The following SUGP1 variants were observed in gnomAD, a reference collection of about 807,000 sequenced individuals.
The protein encoded by SUGP1 is SURP and G-patch domain-containing protein 1.
Under a neutral mutation model 76.5 loss-of-function variants are expected in SUGP1, and 34 were observed. That is an observed-to-expected ratio of 0.44 (90% CI 0.34 to 0.59). The LOEUF (loss-of-function observed/expected upper bound fraction) is 0.59. SUGP1 is among the 20% of genes least tolerant of loss of function. The pLI is 0.01. For missense variants in SUGP1, 752 were observed against 851.7 expected, an observed-to-expected ratio of 0.88 and a Z score of 1.46; for synonymous variants, 326 against 326.2, an observed-to-expected ratio of 1.00 and a Z score of 0.01.
intron 1 of SUGP1, among the ~76,000 whole-genome samples, chr19:19,317,387 G>A (rs965169733): frequency 6.6e-6 from 1 of 152,154 alleles, no homozygotes; most frequent in South Asian, 2.1e-4. Flanking sequence ...TACATCCAAG[G>A]AGCAGCAAGT....
At chr19:19,278,860 G>T in intron 10 of SUGP1, 64 bp from the exon 11 acceptor site, 1 of 1,517,370 alleles carries the variant, frequency 6.6e-7, no homozygotes, top group Non-Finnish European at 9.0e-7. Flanking sequence ...AGGCCTGGTG[G>T]CTCCCAGGGC....
chr19:19,279,807 A>G (rs2061083620), intron 9 of SUGP1, among the ~76,000 whole-genome samples: 1 of 152,194 alleles, frequency 6.6e-6, no homozygotes, highest in African/African-American at 2.4e-5. Flanking sequence ...GCTGACCAGG[A>G]TGGTCCTGCA....
chr19:19,308,016 A>C (rs1045680424), intron 3 of SUGP1, among the ~76,000 whole-genome samples: 35 of 151,960 alleles, frequency 2.3e-4, no homozygotes, highest in Non-Finnish European at 4.9e-4. Flanking sequence ...AAAATGTTAC[A>C]TCTATGAATT....
intron 7 of SUGP1, 139 bp downstream of exon 7, chr19:19,302,126 G>A: frequency 1.5e-6 from 2 of 1,351,768 alleles, no homozygotes. Context: ...GCTGGGCTCT[G>A]GGGTCAGAGA....
rs1319756129 is a variant in SUGP1 at position 19,318,115 on chromosome 19, T to TTTCTTTTC, written c.35-1523_35-1522insGAAAAGAA. Among the ~76,000 whole-genome samples, 52 of 135,230 alleles carry TTTCTTTTC rather than the reference T, an allele frequency of 3.8e-4. 2 individuals are homozygous for TTTCTTTTC. In the East Asian group the frequency reaches 5.1e-3, roughly 13 times the overall value. 88.7% of individuals were successfully genotyped at this position (135,230 alleles called of 152,430 possible). ...CGTGAGCCACCGAACCCAGCCTTCTTTTTTTTTTTTTTTTTTTTTGAGATG... is the reference window on the plus strand; with the variant it reads ...CGTGAGCCACCGAACCCAGCCTTCTTTTCTTTTCTTTTTTTTTTTTTTTTTTTGAGATG... On this transcript the variant is annotated intron_variant, in intron 1 of 13. Transcript: ENST00000247001.
chr19:19,299,732 T>C (rs2061256643), intron 7 of SUGP1, among the ~76,000 whole-genome samples: 1 of 151,874 alleles, frequency 6.6e-6, no homozygotes, highest in African/African-American at 2.4e-5. Flanking sequence ...TTCCAGGATG[T>C]ATCTCAGAAA....
At position 19,297,236 on chromosome 19, in the gene SUGP1, G is replaced by A. The variant is rs769511009; in HGVS notation, c.996C>T (p.Pro332=). Residue 332 remains proline, a synonymous_variant, in exon 8 of 14, where the codon CCC becomes CCT. Coordinates refer to ENST00000247001, the MANE Select transcript of SUGP1 (RefSeq NM_172231.4). ...SSTGSFTAPD[P]GLKRKSPPEA... ...CAGGAGGGGACTTGCGCTTCAGGCC[G>A]GGATCAGGTGCTGTGAAGCTGCCTG... 66 of 1,593,642 alleles carry A rather than the reference G, an allele frequency of 4.1e-5. No individual in the cohort carries two copies. The highest frequency in any genetic ancestry group is 2.0e-4 in the South Asian group (18 of 89,548).
intron 8 of SUGP1, among the ~76,000 whole-genome samples, chr19:19,285,509 T>A (rs2061132729): frequency 6.6e-6 from 1 of 151,066 alleles, no homozygotes; most frequent in Non-Finnish European, 1.5e-5. Context: ...CCTATTGGGG[T>A]GGGGGAGCCA....
intron 7 of SUGP1, among the ~76,000 whole-genome samples, chr19:19,298,633 C>A (rs2146610805): frequency 6.6e-6 from 1 of 152,340 alleles, no homozygotes; most frequent in South Asian, 2.1e-4. Flanking sequence ...ACAGCATCTT[C>A]TCTGTAATCC....
intron 3 of SUGP1, among the ~76,000 whole-genome samples, chr19:19,309,312 A>G (rs2061337905): frequency 6.6e-6 from 1 of 152,102 alleles, no homozygotes; most frequent in African/African-American, 2.4e-5. Context: ...TGGCGAAATC[A>G]CAACTCTACA....
intron 1 of SUGP1, among the ~76,000 whole-genome samples, chr19:19,318,075 C>A (rs1418643757): frequency 2.7e-5 from 4 of 145,476 alleles, no homozygotes; most frequent in South Asian, 2.2e-4. Flanking sequence ...CCTCTCAAAG[C>A]GCTGGAATTA....
At chr19:19,318,127 T>G (rs1209607259) in intron 1 of SUGP1, among the ~76,000 whole-genome samples, 4 of 144,956 alleles carry the variant, frequency 2.8e-5, no homozygotes, top group African/African-American at 7.8e-5. Context: ...TTTTTTTTTT[T>G]TTTTTTTGAG....
At chr19:19,294,294 CAGGAGG>C (rs2061207894) in intron 8 of SUGP1, among the ~76,000 whole-genome samples, 2 of 151,928 alleles carry the variant, frequency 1.3e-5, no homozygotes, top group African/African-American at 4.8e-5. Context: ...GAGGCCAAGG[CAGGAGG>C]ATTGCTTGAA....
chr19:19,308,065 G>A (rs12327663), intron 3 of SUGP1, among the ~76,000 whole-genome samples: 5,116 of 152,154 alleles, frequency 0.034, 306 homozygotes, highest in African/African-American at 0.12. Context: ...GTCTTGCTCT[G>A]TCTCCTAGGC....
At chr19:19,299,959 G>A (rs1178802423) in intron 7 of SUGP1, among the ~76,000 whole-genome samples, 3 of 151,948 alleles carry the variant, frequency 2.0e-5, no homozygotes, top group African/African-American at 7.2e-5. Context: ...TGTATTTTTA[G>A]TAGAGACGGG....
chr19:19,282,933 C>T (rs2146594242), intron 8 of SUGP1, among the ~76,000 whole-genome samples: 1 of 152,132 alleles, frequency 6.6e-6, no homozygotes, highest in Non-Finnish European at 1.5e-5. Flanking sequence ...AAAAATTAGC[C>T]AGGCGTGGTG....
rs769468191 is a variant in SUGP1, at chr19:19,320,454, G to T, written c.34+9C>A. 1.1e-5 allele frequency: 17 copies of T among 1,610,258 alleles called. No individual in the cohort carries two copies. The highest frequency in any genetic ancestry group is 1.4e-5 in the Non-Finnish European group (17 of 1,178,630). ...AGGCGGCCGCCTGAGAGGAGGCGGG[G>T]GCTGTTACCTGCAACATCCCGGTTG... On this transcript the variant is annotated intron_variant, in intron 1 of 13. Coordinates refer to ENST00000247001, the MANE Select transcript of SUGP1 (RefSeq NM_172231.4).
Position 19,304,565 on chromosome 19 carries a change from T to C in SUGP1, c.539-718A>G, listed in dbSNP as rs537736917. ...GGGGCCTTTTCAGTGAACAGAGCTA[T>C]AAAGATATATTTTTATATACGGATT... On this transcript the variant is annotated intron_variant, in intron 4 of 13. Transcript: ENST00000247001. Among the ~76,000 whole-genome samples, 168 of 152,168 alleles carry C rather than the reference T, an allele frequency of 1.1e-3. 6 individuals are homozygous for C. Among genetic ancestry groups the C allele is most frequent in the Non-Finnish European group, 7.2e-4 (49 of 68,034 alleles).
chr19:19,299,613 A>T (rs1599860180), intron 7 of SUGP1, among the ~76,000 whole-genome samples: 1 of 148,982 alleles, frequency 6.7e-6, no homozygotes, highest in Non-Finnish European at 1.5e-5. Flanking sequence ...CGATCTCCTG[A>T]CCTCGTGATC....
Sources: allele counts gnomAD v4.1 joint callset (sites outside exome capture counted in the v4.1 genomes callset), GRCh38; gene constraint gnomAD v4.1.1; transcripts MANE v1.5; gene names NCBI Gene and HGNC (gene_info 2026-07-23, HGNC 2026-07-21).